Variants in MEGF11 observed in about 807,000 individuals in gnomAD.
MEGF11 encodes multiple epidermal growth factor-like domains protein 11.
Under a neutral mutation model 146.6 loss-of-function variants are expected in MEGF11, and 126 were observed. The observed-to-expected ratio is 0.86, with a 90% CI of 0.74 to 1.00. MEGF11 has a LOEUF of 1.00. Ranked by LOEUF, MEGF11 falls within the 50% of genes least tolerant of loss-of-function variation. The probability of loss-of-function intolerance (pLI) is 0.00; values close to 1 mark genes in which losing one functional copy is unlikely to be tolerated. For synonymous variants in MEGF11, 532 were observed against 583.4 expected (o/e 0.91, Z 1.27); for missense variants, 1,509 against 1,521.2 (o/e 0.99, Z 0.13).
intron 2 of MEGF11, among the ~76,000 whole-genome samples, chr15:66,124,472 A>G (rs1259308814): frequency 6.6e-6 from 1 of 152,250 alleles, no homozygotes; most frequent in Non-Finnish European, 1.5e-5. Flanking sequence ...TGACTTGCCC[A>G]GCTCACACTG....
chr15:66,151,350 G>A (rs974173393), intron 1 of MEGF11, among the ~76,000 whole-genome samples: 7 of 152,162 alleles, frequency 4.6e-5, no homozygotes, highest in Admixed American at 3.9e-4. Context: ...ACGTGGGGCT[G>A]AGCCACCTCG....
Position 65,896,659 on chromosome 15 carries a change from A to T in MEGF11, c.*1275T>A, listed in dbSNP as rs2078364242. The T allele has an allele frequency of 6.6e-6, 1 of 152,396 alleles. No individual in the cohort carries two copies. Among genetic ancestry groups the T allele is most frequent in the African/African-American group, 2.4e-5 (1 of 41,438 alleles). 9.4% of individuals were successfully genotyped at this position (152,396 alleles called of 1,614,324 possible). ...TTTCATTTGGACTTATCTGAGCCTCAGTTTATCTGTGTTCATAGTGGAAGG... is the reference window on the plus strand; with the variant it reads ...TTTCATTTGGACTTATCTGAGCCTCTGTTTATCTGTGTTCATAGTGGAAGG... On this transcript the variant is annotated 3_prime_UTR_variant, in exon 26 of 26. Transcript: ENST00000395614.
intron 10 of MEGF11, among the ~76,000 whole-genome samples, chr15:65,934,282 G>A (rs980298112): frequency 7.2e-5 from 11 of 152,204 alleles, no homozygotes; most frequent in South Asian, 2.1e-4. Flanking sequence ...TCGGAGTTTC[G>A]CTCTTGTTGC....
At chr15:66,123,255 G>A (rs1190059224) in intron 3 of MEGF11, among the ~76,000 whole-genome samples, 2 of 152,210 alleles carry the variant, frequency 1.3e-5, no homozygotes. Flanking sequence ...ATGTGCAGTT[G>A]TTCATGTTGA....
chr15:66,056,106 T>C (rs1206512897), intron 5 of MEGF11, among the ~76,000 whole-genome samples: 1 of 152,100 alleles, frequency 6.6e-6, no homozygotes, highest in Non-Finnish European at 1.5e-5. Context: ...CCAGCTACTA[T>C]TGGGAATCTG....
At chr15:66,029,135 C>T (rs1163170315) in intron 5 of MEGF11, among the ~76,000 whole-genome samples, 2 of 151,862 alleles carry the variant, frequency 1.3e-5, no homozygotes, top group African/African-American at 4.8e-5. Flanking sequence ...AGAAGTGTGG[C>T]CAGGCAAACA....
chr15:66,155,141 G>T (rs1016755909), intron 1 of MEGF11, among the ~76,000 whole-genome samples: 2 of 152,230 alleles, frequency 1.3e-5, no homozygotes, highest in Non-Finnish European at 2.9e-5. Context: ...TCCTGAATGA[G>T]ACCCTGGCCC....
chr15:66,114,139 C>T (rs992292522), intron 4 of MEGF11, among the ~76,000 whole-genome samples: 2 of 152,174 alleles, frequency 1.3e-5, no homozygotes, highest in African/African-American at 2.4e-5. Context: ...TAAGTGCTTA[C>T]CAAAGATACA....
At chr15:66,242,746 C>T (rs536157632) in intron 1 of MEGF11, among the ~76,000 whole-genome samples, 2 of 152,282 alleles carry the variant, frequency 1.3e-5, no homozygotes, top group African/African-American at 4.8e-5. Context: ...TCTTCCACCT[C>T]GAGGTCCTCT....
At chr15:66,113,631 C>T (rs554055764) in intron 4 of MEGF11, among the ~76,000 whole-genome samples, 4 of 152,300 alleles carry the variant, frequency 2.6e-5, no homozygotes, top group Admixed American at 6.5e-5. Flanking sequence ...CCTTGGCTCA[C>T]GCCTGTAATC....
intron 1 of MEGF11, among the ~76,000 whole-genome samples, chr15:66,149,087 C>T (rs1436709088): frequency 6.6e-6 from 1 of 152,202 alleles, no homozygotes; most frequent in Non-Finnish European, 1.5e-5. Context: ...GCCTCCTGCT[C>T]GCCCTTTGCC....
chr15:65,993,740 G>A (rs575598903), intron 5 of MEGF11, among the ~76,000 whole-genome samples: 3 of 152,300 alleles, frequency 2.0e-5, no homozygotes, highest in South Asian at 2.1e-4. Context: ...ATTCACAGTC[G>A]GAGTGGGCAA....
Position 65,921,424 on chromosome 15 carries a change from T to G in MEGF11, c.1957+914A>C, listed in dbSNP as rs145378261. On this transcript the variant is annotated intron_variant, in intron 15 of 25. Coordinates refer to ENST00000395614, the MANE Select transcript of MEGF11 (RefSeq NM_001385028.1). ...TACCATATCCATCAGCTGTTCCCTG[T>G]AGCATGCCCATGTCTCTGTGCTTTG... 5.3e-5 allele frequency among the ~76,000 whole-genome samples: 8 copies of G among 152,328 alleles called. No homozygotes were observed. The East Asian group carries it at 1.5e-3, about 29-fold the overall frequency.
intron 17 of MEGF11, 41 bp from the exon 18 acceptor site, chr15:65,916,317 G>C: frequency 6.5e-7 from 1 of 1,537,918 alleles, no homozygotes; most frequent in Non-Finnish European, 8.8e-7. Context: ...TTGCTGCTGG[G>C]TGGGGACAAG....
intron 5 of MEGF11, among the ~76,000 whole-genome samples, chr15:66,064,702 T>TC (rs1238664162): frequency 6.6e-6 from 1 of 151,190 alleles, no homozygotes; most frequent in Non-Finnish European, 1.5e-5. Context: ...TTTTTTTCTT[T>TC]TTTTTTAGTA....
At chr15:65,957,765 A>C (rs1467732731) in intron 9 of MEGF11, 44 bp from the exon 10 acceptor site, 1 of 1,597,300 alleles carries the variant, frequency 6.3e-7, no homozygotes, top group Non-Finnish European at 8.6e-7. Flanking sequence ...TGTTCTGGGA[A>C]GCAGCCATGT....
chr15:66,213,944 A>G (rs1427828614), intron 1 of MEGF11, among the ~76,000 whole-genome samples: 1 of 146,990 alleles, frequency 6.8e-6, no homozygotes. Flanking sequence ...AGAGAAACCT[A>G]CCCCTTGGTA....
chr15:66,007,743 C>A (rs902293757), intron 5 of MEGF11, among the ~76,000 whole-genome samples: 2 of 151,752 alleles, frequency 1.3e-5, no homozygotes, highest in South Asian at 2.1e-4. Flanking sequence ...CAGAGGTGGA[C>A]CCTGTCTCAA....
At chr15:66,075,731 A>T (rs73483448) in intron 5 of MEGF11, among the ~76,000 whole-genome samples, 1 of 152,358 alleles carries the variant, frequency 6.6e-6, no homozygotes. Context: ...AAGCAAGCAG[A>T]TCCCTGAGCT....
Sources: gnomAD v4.1 joint callset for allele counts (sites outside exome capture counted in the v4.1 genomes callset) on GRCh38, gnomAD v4.1.1 for gene constraint, MANE v1.5 for transcripts, NCBI Gene and HGNC (gene_info 2026-07-23, HGNC 2026-07-21) for gene names.